Variants in GBF1 observed in about 807,000 individuals in gnomAD.
The protein encoded by GBF1 is golgi brefeldin A resistant guanine nucleotide exchange factor 1, also known as Golgi-specific brefeldin A-resistance guanine nucleotide exchange factor 1.
Under a neutral mutation model 210.5 loss-of-function variants are expected in GBF1, and 114 were observed. The observed-to-expected ratio is 0.54, with a 90% confidence interval of 0.47 to 0.63. The LOEUF is 0.63. GBF1 is among the 30% of genes least tolerant of loss of function. GBF1 has a pLI of 0.00. For synonymous variants in GBF1, 850 were observed against 889.2 expected (o/e 0.96, Z 0.78); for missense variants, 1,851 against 2,357.7 (o/e 0.79, Z 4.45).
intron 17 of GBF1, among the ~76,000 whole-genome samples, chr10:102,365,107 T>C (rs977843176): frequency 1.3e-5 from 2 of 152,194 alleles, no homozygotes; most frequent in African/African-American, 2.4e-5. Flanking sequence ...AATTACCTAG[T>C]TTCTTTCTTC....
In GBF1 at chr10:102,367,221, G is replaced by C. The variant is rs1370412079; in HGVS notation, c.2559+11G>C. The C allele has an allele frequency of 6.2e-7, 1 of 1,613,380 alleles. No homozygotes were observed. Among genetic ancestry groups the C allele is most frequent in the African/African-American group, 1.3e-5 (1 of 74,872 alleles). On this transcript the variant is annotated intron_variant, in intron 20 of 39. Coordinates refer to ENST00000369983, the MANE Select transcript of GBF1 (RefSeq NM_001377137.1). Reference sequence around the variant, plus strand: ...CCCATGACCCTGGAGGTAAGCTTGGGTCCCAGTCAAGGCAAAGAAGACCCA... The same window carrying C: ...CCCATGACCCTGGAGGTAAGCTTGGCTCCCAGTCAAGGCAAAGAAGACCCA...
chr10:102,339,256 A>G (rs2058002699), intron 3 of GBF1, among the ~76,000 whole-genome samples: 1 of 152,170 alleles, frequency 6.6e-6, no homozygotes, highest in African/African-American at 2.4e-5. Flanking sequence ...CCAACTACTC[A>G]GGAGGCTGAG....
the GBF1 span, chr10:102,231,570 C>A: frequency 2.0e-6 from 3 of 1,534,518 alleles, no homozygotes; most frequent in South Asian, 3.5e-5. Context: ...GTGCGAGTCG[C>A]GGGTCTGGAG....
At chr10:102,272,932 G>C (rs551568028) in intron 3 of GBF1, among the ~76,000 whole-genome samples, 1 of 152,164 alleles carries the variant, frequency 6.6e-6, no homozygotes, top group Non-Finnish European at 1.5e-5. Flanking sequence ...AGTTTGGCCA[G>C]TGTGCGTCCC....
Position 102,258,966 on chromosome 10 carries a change from C to A in GBF1, c.28C>A (p.Gln10Lys). The change falls in exon 2 of 40, where the codon CAA becomes AAA. Residue 10 changes from glutamine (Q) to lysine (K), a missense_variant. Transcript: ENST00000369983. The stretch of plus-strand genomic sequence containing the variant: ...GGTGGATAAGAATATTTACATCATT[C>A]AAGGGGAGATTAACATTGTGGTTGG... MVDKNIYIIQGEINIVVGAI... is the reference protein window; with the variant it reads MVDKNIYIIKGEINIVVGAI... 2 of 1,603,514 alleles carry A rather than the reference C, an allele frequency of 1.2e-6. No individual in the cohort carries two copies. Among genetic ancestry groups the A allele is most frequent in the Non-Finnish European group, 8.5e-7 (1 of 1,170,458 alleles).
the GBF1 span, among the ~76,000 whole-genome samples, chr10:102,238,045 C>T: frequency 1.3e-5 from 2 of 152,084 alleles, no homozygotes; most frequent in Admixed American, 6.5e-5. Context: ...AAACTATTAA[C>T]TGAAAGGTGT....
chr10:102,324,296 C>A (rs1054014190), intron 3 of GBF1, among the ~76,000 whole-genome samples: 1 of 152,172 alleles, frequency 6.6e-6, no homozygotes, highest in Admixed American at 6.5e-5. Context: ...TTAGTCAGAG[C>A]CACAGCATGT....
At chr10:102,282,730 A>G (rs1300995146) in intron 3 of GBF1, among the ~76,000 whole-genome samples, 1 of 152,206 alleles carries the variant, frequency 6.6e-6, no homozygotes, top group Non-Finnish European at 1.5e-5. Context: ...AGAGTATAGC[A>G]TGAACACTAA....
At chr10:102,360,467 T>A in intron 12 of GBF1, 72 bp downstream of exon 12, 2 of 1,021,060 alleles carry the variant, frequency 2.0e-6, no homozygotes, top group Non-Finnish European at 3.1e-6. Context: ...GTCTGGCTGA[T>A]TACGCAAAGA....
In GBF1 at chr10:102,379,331, C is replaced by T. The variant is rs370874397; in HGVS notation, c.4542C>T (p.Tyr1514=). The change falls in exon 34 of 40, where the codon TAC becomes TAT. Residue 1514 remains tyrosine, a synonymous_variant. Coordinates refer to ENST00000369983, the MANE Select transcript of GBF1 (RefSeq NM_001377137.1). ...TGCACACGCGGGCAGCCTCTATCTA[C>T]AGCTCATGGGCGGAGGAGCAACGCC... ...HTLHTRAASI[Y]SSWAEEQRHL... 25 of 1,613,868 alleles carry T rather than the reference C, an allele frequency of 1.5e-5. No homozygotes were observed. Among genetic ancestry groups the T allele is most frequent in the South Asian group, 9.9e-5 (9 of 91,066 alleles).
Position 102,360,332 on chromosome 10 carries a change from T to G in GBF1, c.1329T>G (p.Pro443=), listed in dbSNP as rs1565157551. The G allele has an allele frequency of 6.2e-7, 1 of 1,613,950 alleles. No homozygotes were observed. Among genetic ancestry groups the G allele is most frequent in the Non-Finnish European group, 8.5e-7 (1 of 1,179,790 alleles). ...HLLTVALESA[P]VAQCQTLLGL... ...TGACAGTGGCCCTTGAGTCAGCCCCTGTAGCCCAGTGCCAGACCCTCTTGG... is the reference window on the plus strand; with the variant it reads ...TGACAGTGGCCCTTGAGTCAGCCCCGGTAGCCCAGTGCCAGACCCTCTTGG... Residue 443 remains proline, a synonymous_variant, in exon 12 of 40, where the codon CCT becomes CCG. Transcript: ENST00000369983.
intron 1 of GBF1, among the ~76,000 whole-genome samples, chr10:102,249,587 C>A (rs1222987307): frequency 6.6e-6 from 1 of 151,952 alleles, no homozygotes; most frequent in African/African-American, 2.4e-5. Flanking sequence ...AAGTTGTTTC[C>A]TAGTTTAGTA....
chr10:102,237,899 A>G, the GBF1 span, among the ~76,000 whole-genome samples: 1 of 151,452 alleles, frequency 6.6e-6, no homozygotes. Flanking sequence ...CCACCCCACT[A>G]TGAGAAGCAA....
intron 4 of GBF1, among the ~76,000 whole-genome samples, chr10:102,344,881 C>T (rs1237398143): frequency 6.6e-6 from 1 of 152,198 alleles, no homozygotes; most frequent in Non-Finnish European, 1.5e-5. Context: ...ATTGTCCTTC[C>T]TGTACTTTCT....
intron 20 of GBF1, 113 bp downstream of exon 20, chr10:102,367,323 A>G (rs2059967865): frequency 4.6e-6 from 6 of 1,316,986 alleles, no homozygotes; most frequent in Non-Finnish European, 6.5e-6. Context: ...CAAGGGAATC[A>G]GGAAGGGCTG....
At chr10:102,355,765 A>G (rs2059256795) in intron 8 of GBF1, among the ~76,000 whole-genome samples, 1 of 152,244 alleles carries the variant, frequency 6.6e-6, no homozygotes, top group Non-Finnish European at 1.5e-5. Flanking sequence ...CTACCTCATA[A>G]AAGTAGATCC....
chr10:102,299,024 G>A (rs776358232), intron 3 of GBF1, among the ~76,000 whole-genome samples: 29 of 152,190 alleles, frequency 1.9e-4, no homozygotes, highest in Non-Finnish European at 3.4e-4. Context: ...GTGGTTAAGA[G>A]TGTATATAGG....
At chr10:102,240,268 T>G in the GBF1 span, among the ~76,000 whole-genome samples, 1 of 152,216 alleles carries the variant, frequency 6.6e-6, no homozygotes, top group Non-Finnish European at 1.5e-5. Flanking sequence ...CCTTTCCTGG[T>G]CTTGATTCCC....
intron 3 of GBF1, among the ~76,000 whole-genome samples, chr10:102,286,028 C>G (rs1356944850): frequency 1.3e-5 from 2 of 152,060 alleles, no homozygotes; most frequent in Non-Finnish European, 2.9e-5. Context: ...CCTCTACTTA[C>G]CTTCCTCCTT....
Sources: allele counts gnomAD v4.1 joint callset (sites outside exome capture counted in the v4.1 genomes callset), GRCh38; gene constraint gnomAD v4.1.1; transcripts MANE v1.5; gene names NCBI Gene and HGNC (gene_info 2026-07-23, HGNC 2026-07-21).